NRXN3: variants seen among roughly 807,000 people sequenced by gnomAD.
NRXN3 encodes neurexin III.
In NRXN3, 32 loss-of-function variants were observed where a neutral mutation model predicts 137.6. The observed-to-expected ratio is 0.23, with a 90% CI of 0.18 to 0.31. NRXN3 has a LOEUF of 0.31. Ranked by LOEUF, NRXN3 falls within the 10% of genes least tolerant of loss-of-function variation. NRXN3 has a pLI of 1.00. For missense variants in NRXN3, 1,574 were observed against 2,062.5 expected (o/e 0.76, Z 4.59); for synonymous variants, 798 against 784.5 (o/e 1.02, Z -0.29).
chr14:79,792,002 G>C (rs2099146890), intron 19 of NRXN3, among the ~76,000 whole-genome samples: 1 of 152,168 alleles, frequency 6.6e-6, no homozygotes, highest in Non-Finnish European at 1.5e-5. Flanking sequence ...TTATGTCCGT[G>C]CTATGCCACA....
intron 10 of NRXN3, among the ~76,000 whole-genome samples, chr14:78,893,812 G>A (rs1567632229): frequency 6.6e-6 from 1 of 151,988 alleles, no homozygotes. Flanking sequence ...GAGATATTGT[G>A]GGTGCAGTTC....
At chr14:78,907,318 A>G (rs566430481) in intron 10 of NRXN3, among the ~76,000 whole-genome samples, 2 of 152,162 alleles carry the variant, frequency 1.3e-5, no homozygotes, top group African/African-American at 4.8e-5. Flanking sequence ...ACCAGGAAAC[A>G]AATTTGACTT....
At chr14:79,090,242 C>T (rs1235370124) in intron 15 of NRXN3, among the ~76,000 whole-genome samples, 1 of 152,114 alleles carries the variant, frequency 6.6e-6, no homozygotes, top group Non-Finnish European at 1.5e-5. Flanking sequence ...CTTCTCATTG[C>T]TTCCCAGTTA....
At chr14:78,309,369 G>A (rs555458664) in intron 4 of NRXN3, among the ~76,000 whole-genome samples, 8 of 151,926 alleles carry the variant, frequency 5.3e-5, no homozygotes, top group African/African-American at 1.7e-4. Flanking sequence ...GTGCCATAGG[G>A]GTTTGGTATA....
intron 16 of NRXN3, among the ~76,000 whole-genome samples, chr14:79,501,109 A>C (rs553191138): frequency 6.6e-6 from 1 of 152,012 alleles, no homozygotes; most frequent in Non-Finnish European, 1.5e-5. Context: ...GTTCATAAAA[A>C]CTCCAGGGGA....
intron 10 of NRXN3, among the ~76,000 whole-genome samples, chr14:78,922,260 G>T (rs1054841270): frequency 1.3e-5 from 2 of 152,110 alleles, no homozygotes; most frequent in Non-Finnish European, 2.9e-5. Context: ...CAGTCCAACT[G>T]GACCGAGCTT....
intron 4 of NRXN3, among the ~76,000 whole-genome samples, chr14:78,438,330 T>C (rs1393159572): frequency 6.6e-6 from 1 of 152,042 alleles, no homozygotes; most frequent in Non-Finnish European, 1.5e-5. Flanking sequence ...GAGGAATATA[T>C]AGCAAAAATA....
At chr14:79,257,407 TGGTGGTG>T in intron 15 of NRXN3, among the ~76,000 whole-genome samples, 2 of 84,906 alleles carry the variant, frequency 2.4e-5, no homozygotes, top group African/African-American at 4.7e-5. Context: ...GTGGTGGTGG[TGGTGGTG>T]ATGGTGGTGA....
chr14:79,071,702 CG>C (rs982090088), intron 15 of NRXN3, among the ~76,000 whole-genome samples: 14 of 151,960 alleles, frequency 9.2e-5, no homozygotes, highest in Non-Finnish European at 1.5e-4. Flanking sequence ...AAAGTGGGGA[CG>C]GTTCATTGGT....
intron 15 of NRXN3, among the ~76,000 whole-genome samples, chr14:79,073,843 T>C (rs1040013666): frequency 6.6e-6 from 1 of 152,200 alleles, no homozygotes; most frequent in African/African-American, 2.4e-5. Flanking sequence ...CCAGACTGCC[T>C]GTGCTCAAAT....
At chr14:79,222,179 A>C (rs1007727663) in intron 15 of NRXN3, among the ~76,000 whole-genome samples, 1 of 152,140 alleles carries the variant, frequency 6.6e-6, no homozygotes, top group Non-Finnish European at 1.5e-5. Context: ...GTTTGAAGTC[A>C]GGTAGTGTGA....
At chr14:78,189,668 C>T (rs2060537814) in intron 1 of NRXN3, among the ~76,000 whole-genome samples, 1 of 152,166 alleles carries the variant, frequency 6.6e-6, no homozygotes, top group South Asian at 2.1e-4. Flanking sequence ...CTCACTGCAA[C>T]CTCCACTTCC....
At chr14:78,598,722 G>A (rs1227099483) in intron 4 of NRXN3, among the ~76,000 whole-genome samples, 1 of 152,224 alleles carries the variant, frequency 6.6e-6, no homozygotes, top group Non-Finnish European at 1.5e-5. Context: ...TGTAGTTGTA[G>A]CAGAGGGAGC....
chr14:79,787,769 G>GTGTATATA (rs1568252498), intron 19 of NRXN3, among the ~76,000 whole-genome samples: 1 of 151,984 alleles, frequency 6.6e-6, no homozygotes, highest in African/African-American at 2.4e-5. Context: ...TTGTGTGTGT[G>GTGTATATA]TATATATATA....
chr14:78,256,568 G>A (rs929836681), intron 2 of NRXN3, among the ~76,000 whole-genome samples: 1 of 152,196 alleles, frequency 6.6e-6, no homozygotes, highest in Non-Finnish European at 1.5e-5. Flanking sequence ...CCCCCTTTTA[G>A]GGGGTGAGAA....
chr14:78,707,236 A>G (rs1387660171), intron 6 of NRXN3, among the ~76,000 whole-genome samples: 1 of 152,212 alleles, frequency 6.6e-6, no homozygotes, highest in East Asian at 1.9e-4. Flanking sequence ...CCAAAGTCAC[A>G]TAGCTTGTAA....
intron 15 of NRXN3, among the ~76,000 whole-genome samples, chr14:79,131,255 T>C (rs1444537383): frequency 2.0e-5 from 3 of 152,190 alleles, no homozygotes; most frequent in Admixed American, 2.0e-4. Context: ...AGAGGTGCTC[T>C]GCTTTTTAGA....
intron 16 of NRXN3, among the ~76,000 whole-genome samples, chr14:79,483,494 A>G (rs974993688): frequency 6.6e-6 from 1 of 152,184 alleles, no homozygotes; most frequent in African/African-American, 2.4e-5. Flanking sequence ...GTTTGGTATA[A>G]ACAGTATATT....
At chr14:78,645,640 G>GAA (rs59264204) in intron 5 of NRXN3, among the ~76,000 whole-genome samples, 4 of 143,144 alleles carry the variant, frequency 2.8e-5, no homozygotes, top group African/African-American at 7.7e-5. Flanking sequence ...TGTTATTTAA[G>GAA]AAAAAAAAAA....
Sources: allele counts gnomAD v4.1 joint callset (sites outside exome capture counted in the v4.1 genomes callset), GRCh38; gene constraint gnomAD v4.1.1; transcripts MANE v1.5; gene names NCBI Gene and HGNC (gene_info 2026-07-23, HGNC 2026-07-21).